Variants in NAV3 observed in about 807,000 individuals in gnomAD.
NAV3 encodes neuron navigator 3, also known as pore membrane and/or filament interacting like protein 1.
A neutral mutation model predicts 244.7 loss-of-function variants in NAV3; 87 were observed. That is an observed-to-expected ratio of 0.36 (90% confidence interval 0.30 to 0.42). NAV3 has a LOEUF of 0.42. Among genes scored for constraint, NAV3 ranks in the 20% least tolerant of loss-of-function variants. NAV3 has a pLI of 1.00. For missense variants in NAV3, 2,663 were observed against 2,893.3 expected, an observed-to-expected ratio of 0.92 and a Z score of 1.83; for synonymous variants, 1,126 against 1,042.2, an observed-to-expected ratio of 1.08 and a Z score of -1.55.
intron 2 of NAV3, among the ~76,000 whole-genome samples, chr12:77,669,722 GAAGT>G (rs1873877047): frequency 6.6e-6 from 1 of 152,072 alleles, no homozygotes; most frequent in African/African-American, 2.4e-5. Context: ...CTAGACCTAA[GAAGT>G]AAGATAAATG....
chr12:77,853,761 T>A (rs1030620477), intron 1 of NAV3, among the ~76,000 whole-genome samples: 3 of 152,216 alleles, frequency 2.0e-5, no homozygotes, highest in Admixed American at 6.5e-5. Context: ...ATAGTCAGTT[T>A]GGCAGACTTC....
chr12:77,582,863 A>T (rs1869431215), intron 2 of NAV3, among the ~76,000 whole-genome samples: 2 of 152,230 alleles, frequency 1.3e-5, no homozygotes, highest in South Asian at 4.1e-4. Flanking sequence ...AGCCAATTCA[A>T]GGCATATCCA....
At chr12:78,112,655 C>T (rs1955158756) in intron 12 of NAV3, among the ~76,000 whole-genome samples, 1 of 152,138 alleles carries the variant, frequency 6.6e-6, no homozygotes, top group South Asian at 2.1e-4. Context: ...CACCAGGTCC[C>T]TCCCACAACA....
intron 2 of NAV3, among the ~76,000 whole-genome samples, chr12:77,667,466 C>T (rs555407425): frequency 5.0e-4 from 76 of 152,104 alleles, no homozygotes; most frequent in African/African-American, 1.7e-3. Context: ...TGGGGTGAGG[C>T]CTGTGACTTG....
At chr12:77,945,925 A>T (rs1890295016) in intron 3 of NAV3, among the ~76,000 whole-genome samples, 1 of 150,964 alleles carries the variant, frequency 6.6e-6, no homozygotes, top group Admixed American at 6.6e-5. Flanking sequence ...ATATTTTTTA[A>T]TTTTTTTAAT....
At chr12:77,758,676 G>A (rs1265015046) in intron 2 of NAV3, among the ~76,000 whole-genome samples, 1 of 152,138 alleles carries the variant, frequency 6.6e-6, no homozygotes, top group Non-Finnish European at 1.5e-5. Context: ...AAAAGTCTTT[G>A]AAATGTTCTT....
chr12:77,925,608 G>A (rs1282315507), intron 1 of NAV3, among the ~76,000 whole-genome samples: 1 of 152,076 alleles, frequency 6.6e-6, no homozygotes, highest in Non-Finnish European at 1.5e-5. Flanking sequence ...GTGGTCATGT[G>A]GTTGGCTCAT....
At chr12:77,857,510 A>G (rs1200006078) in intron 1 of NAV3, among the ~76,000 whole-genome samples, 5 of 151,944 alleles carry the variant, frequency 3.3e-5, no homozygotes, top group Non-Finnish European at 7.4e-5. Flanking sequence ...AATGTAATGA[A>G]TTCCATTTCT....
At chr12:77,642,187 T>C (rs1565749447) in intron 2 of NAV3, among the ~76,000 whole-genome samples, 2 of 152,116 alleles carry the variant, frequency 1.3e-5, no homozygotes, top group Non-Finnish European at 2.9e-5. Context: ...GAATCTTTTA[T>C]TTGATGGTGT....
In NAV3 at chr12:77,960,757, TATATATG is replaced by T. The variant is rs1398998628; in HGVS notation, c.415-5465_415-5459del. 7.5e-5 allele frequency among the ~76,000 whole-genome samples: 11 copies of T among 147,368 alleles called. No homozygotes were observed. In the Admixed American group the frequency reaches 7.5e-4, roughly 10 times the overall value. On this transcript the variant is annotated intron_variant, in intron 3 of 39. Transcript: ENST00000397909. The stretch of plus-strand genomic sequence containing the variant: ...ATGTATCATGTATATAATATATGCA[TATATATG>T]ATATATACATATGCAGTATATAAAT...
At chr12:78,205,733 GA>G (rs898188959) in intron 39 of NAV3, among the ~76,000 whole-genome samples, 4 of 150,890 alleles carry the variant, frequency 2.7e-5, no homozygotes, top group African/African-American at 7.3e-5. Flanking sequence ...GTATTATTAG[GA>G]AAAAAAACAC....
intron 29 of NAV3, 60 bp downstream of exon 29, chr12:78,179,742 T>A (rs1274255541): frequency 2.6e-6 from 4 of 1,541,496 alleles, no homozygotes; most frequent in Non-Finnish European, 3.5e-6. Context: ...CTGCTTATTC[T>A]GTTCTCTTGG....
intron 1 of NAV3, among the ~76,000 whole-genome samples, chr12:77,912,273 G>A (rs1156357318): frequency 6.6e-6 from 1 of 152,096 alleles, no homozygotes; most frequent in African/African-American, 2.4e-5. Flanking sequence ...GAAGACAGAA[G>A]TTTAGACATA....
At chr12:77,604,007 T>C (rs1297012551) in intron 2 of NAV3, among the ~76,000 whole-genome samples, 3 of 152,150 alleles carry the variant, frequency 2.0e-5, no homozygotes, top group Non-Finnish European at 4.4e-5. Context: ...TCTTGGTTGA[T>C]ATTCTATTTT....
chr12:78,039,759 A>G (rs1185534222), intron 9 of NAV3, among the ~76,000 whole-genome samples: 1 of 152,100 alleles, frequency 6.6e-6, no homozygotes, highest in African/African-American at 2.4e-5. Context: ...AGGAGTACCA[A>G]ATTGATGCTG....
At chr12:77,612,360 A>G (rs11105912) in intron 2 of NAV3, among the ~76,000 whole-genome samples, 7,818 of 152,222 alleles carry the variant, frequency 0.051, 687 homozygotes, top group African/African-American at 0.18. Flanking sequence ...ATTGCTGGAT[A>G]AATCTGTAAT....
intron 18 of NAV3, among the ~76,000 whole-genome samples, chr12:78,131,484 T>C (rs541326181): frequency 9.5e-4 from 145 of 152,304 alleles, no homozygotes; most frequent in Non-Finnish European, 1.7e-3. Context: ...CATAGGAATA[T>C]GAAAAAATTT....
chr12:77,800,102 G>C (rs950623589), intron 2 of NAV3, among the ~76,000 whole-genome samples: 1 of 152,092 alleles, frequency 6.6e-6, no homozygotes, highest in Non-Finnish European at 1.5e-5. Context: ...AATAATAATA[G>C]TCTCATCCTG....
intron 2 of NAV3, among the ~76,000 whole-genome samples, chr12:77,604,581 G>T (rs1345315531): frequency 6.6e-6 from 1 of 151,504 alleles, no homozygotes; most frequent in Non-Finnish European, 1.5e-5. Flanking sequence ...TTTTGGGAGG[G>T]TGCATTTGGG....
Sources: allele counts gnomAD v4.1 joint callset (sites outside exome capture counted in the v4.1 genomes callset), GRCh38; gene constraint gnomAD v4.1.1; transcripts MANE v1.5; gene names NCBI Gene and HGNC (gene_info 2026-07-23, HGNC 2026-07-21).